MARCHF3: variants seen among roughly 807,000 people sequenced by gnomAD.
MARCHF3 encodes E3 ubiquitin-protein ligase MARCHF3.
MARCHF3 carries 13 observed loss-of-function variants against 24.2 expected under a neutral mutation model. The ratio of observed to expected loss-of-function variants is 0.54; its 90% confidence interval spans 0.35 to 0.85. The LOEUF is 0.85. Among genes scored for constraint, MARCHF3 ranks in the 40% least tolerant of loss-of-function variants. The pLI, the probability that MARCHF3 is intolerant of heterozygous loss-of-function variation, is 0.01. For missense variants in MARCHF3, 276 were observed against 325.0 expected (o/e 0.85, Z 1.16); for synonymous variants, 144 against 137.3 (o/e 1.05, Z -0.34).
chr5:126,914,538 C>T (rs192666856), intron 3 of MARCHF3: 4 of 280,738 alleles, frequency 1.4e-5, no homozygotes, highest in East Asian at 6.5e-5. Context: ...GGATATGCAA[C>T]CCAAATGCCC....
intron 3 of MARCHF3, 189 bp downstream of exon 3, chr5:126,914,741 C>G: frequency 3.2e-6 from 2 of 618,260 alleles, no homozygotes; most frequent in Middle Eastern, 6.8e-4. Flanking sequence ...TTCTCTGTGT[C>G]TGTCTGTCTA....
chr5:126,971,448 CA>C (rs60881844), intron 1 of MARCHF3, among the ~76,000 whole-genome samples: 42,411 of 89,920 alleles, frequency 0.47, 6,868 homozygotes, highest in East Asian at 0.6. Context: ...GACTCTGTCT[CA>C]AAAAAAAAAA....
At position 126,870,264 on chromosome 5, in the gene MARCHF3, A is replaced by AAT. The variant is rs113861488; in HGVS notation, c.*367_*368dup. Reference sequence around the variant, plus strand: ...TTGATTTTGATTATCATCTAAGTTTAATATATATATATATGTGTGTGTGTT... The same window carrying AAT: ...TTGATTTTGATTATCATCTAAGTTTAATATATATATATATATGTGTGTGTGTT... On this transcript the variant is annotated 3_prime_UTR_variant, in exon 5 of 5. Transcript: ENST00000308660. The AAT allele has an allele frequency of 1.5e-3, 237 of 153,466 alleles. No individual in the cohort carries two copies. Among genetic ancestry groups the AAT allele is most frequent in the Admixed American group, 2.6e-3 (40 of 15,290 alleles). 9.5% of individuals were successfully genotyped at this position (153,466 alleles called of 1,614,324 possible).
At chr5:126,871,684 A>G (rs889838443) in intron 4 of MARCHF3, among the ~76,000 whole-genome samples, 2 of 151,540 alleles carry the variant, frequency 1.3e-5, no homozygotes, top group Non-Finnish European at 2.9e-5. Flanking sequence ...TCTGATTGCA[A>G]CACTGCTTCA....
chr5:126,870,397 A>T lies in MARCHF3; in HGVS notation c.*236T>A. On this transcript the variant is annotated 3_prime_UTR_variant, in exon 5 of 5. Coordinates refer to ENST00000308660, the MANE Select transcript of MARCHF3 (RefSeq NM_178450.5). Reference sequence around the variant, plus strand: ...ATTCCATACAGTATCTGCTAAATAAACATGTTTGGCAGCTTAGCAAATATC... The same window carrying T: ...ATTCCATACAGTATCTGCTAAATAATCATGTTTGGCAGCTTAGCAAATATC... The T allele has an allele frequency of 2.3e-6, 1 of 433,572 alleles. No homozygotes were observed. The highest frequency in any genetic ancestry group is 4.3e-5 in the South Asian group (1 of 23,360). The allele number at this position is 433,572 out of a possible 1,614,324, so 26.9% of individuals were successfully genotyped here.
chr5:126,950,136 A>C (rs945561848), intron 1 of MARCHF3, among the ~76,000 whole-genome samples: 2 of 152,144 alleles, frequency 1.3e-5, no homozygotes, highest in Non-Finnish European at 1.5e-5. Flanking sequence ...GTGGCCCATC[A>C]TTATAATCAA....
intron 1 of MARCHF3, among the ~76,000 whole-genome samples, chr5:127,018,073 T>C (rs979732182): frequency 6.6e-6 from 1 of 152,152 alleles, no homozygotes; most frequent in Non-Finnish European, 1.5e-5. Context: ...AATGAGCAAA[T>C]TACATAAGAT....
In MARCHF3 at chr5:126,939,322, A is replaced by C. The variant is rs569077095; in HGVS notation, c.-56-21095T>G. 2.0e-5 allele frequency among the ~76,000 whole-genome samples: 3 copies of C among 152,300 alleles called. No homozygotes were observed. In the East Asian group the frequency reaches 5.8e-4, roughly 29 times the overall value. On this transcript the variant is annotated intron_variant, in intron 1 of 4. Coordinates refer to ENST00000308660, the MANE Select transcript of MARCHF3 (RefSeq NM_178450.5). ...TCATTTGAAAGGAAAGGTTCCCTAA[A>C]GTGTTATAAGTTGTTTGGCGAGGGT...
chr5:126,920,132 C>T (rs1006609235), intron 1 of MARCHF3, among the ~76,000 whole-genome samples: 1 of 152,176 alleles, frequency 6.6e-6, no homozygotes, highest in Non-Finnish European at 1.5e-5. Flanking sequence ...CATAATCCCA[C>T]CATTCAGAAA....
chr5:126,943,187 G>A (rs1279292123), intron 1 of MARCHF3, among the ~76,000 whole-genome samples: 2 of 152,158 alleles, frequency 1.3e-5, no homozygotes, highest in African/African-American at 4.8e-5. Context: ...CCAGCTATTC[G>A]GAAGGCTGAG....
intron 3 of MARCHF3, among the ~76,000 whole-genome samples, chr5:126,891,682 G>A: frequency 7.1e-6 from 1 of 140,442 alleles, no homozygotes; most frequent in Non-Finnish European, 1.5e-5. Flanking sequence ...TGCTGTTTTG[G>A]TTACTGTAGC....
At chr5:126,903,430 A>G (rs752266554) in intron 3 of MARCHF3, among the ~76,000 whole-genome samples, 1 of 152,128 alleles carries the variant, frequency 6.6e-6, no homozygotes, top group African/African-American at 2.4e-5. Context: ...TAGAATGAAC[A>G]AAGGGGCTTG....
At chr5:126,881,389 GA>G (rs2126769336) in intron 3 of MARCHF3, among the ~76,000 whole-genome samples, 1 of 152,212 alleles carries the variant, frequency 6.6e-6, no homozygotes, top group East Asian at 1.9e-4. Flanking sequence ...TTGAGGAAAA[GA>G]AAAAAGTACC....
rs149949454 is a variant in MARCHF3, at chr5:126,871,128, C to T, written c.604-337G>A. Among the ~76,000 whole-genome samples, 419 of 152,298 alleles carry T rather than the reference C, an allele frequency of 2.8e-3. 2 individuals are homozygous for T. Among genetic ancestry groups the T allele is most frequent in the South Asian group, 0.021 (103 of 4,830 alleles). ...ACTAGTGGTGGATACAATGCCAGCC[C>T]TCGCCCAGCTGTGTGACCTCAGCAA... is the stretch of plus-strand genomic sequence containing the variant. On this transcript the variant is annotated intron_variant, in intron 4 of 4. Coordinates refer to ENST00000308660, the MANE Select transcript of MARCHF3 (RefSeq NM_178450.5).
intron 1 of MARCHF3, among the ~76,000 whole-genome samples, chr5:126,992,883 T>C (rs963094304): frequency 6.7e-6 from 1 of 150,104 alleles, no homozygotes; most frequent in East Asian, 2.0e-4. Context: ...GCCATTCTCC[T>C]GCCTCAGCCT....
At chr5:126,920,169 T>C (rs1402208920) in intron 1 of MARCHF3, among the ~76,000 whole-genome samples, 1 of 152,178 alleles carries the variant, frequency 6.6e-6, no homozygotes, top group African/African-American at 2.4e-5. Flanking sequence ...TGGGTAGATA[T>C]CTTCTTTTTA....
rs188740705 is a variant in MARCHF3 at position 126,925,924 on chromosome 5, C to T, written c.-56-7697G>A. On this transcript the variant is annotated intron_variant, in intron 1 of 4. Transcript: ENST00000308660. ...TGCATAAGGAAAGGCCTGAAGGGTA[C>T]AGCATGCTGGTCAGGATGTCTGATA... is the stretch of plus-strand genomic sequence containing the variant. Among the ~76,000 whole-genome samples the T allele has an allele frequency of 9.2e-5, 14 of 152,314 alleles. No individual in the cohort carries two copies. In the East Asian group the frequency reaches 2.7e-3, roughly 29 times the overall value.
At chr5:126,892,553 G>T (rs1281099981) in intron 3 of MARCHF3, among the ~76,000 whole-genome samples, 1 of 149,150 alleles carries the variant, frequency 6.7e-6, no homozygotes, top group Non-Finnish European at 1.5e-5. Flanking sequence ...TACTCATGTG[G>T]TTTTTGTCTT....
intron 1 of MARCHF3, among the ~76,000 whole-genome samples, chr5:126,972,930 C>CA (rs1171788136): frequency 1.3e-5 from 2 of 152,178 alleles, no homozygotes; most frequent in African/African-American, 4.8e-5. Flanking sequence ...TCCCCGTACC[C>CA]AACAAAAGTG....
Sources: gnomAD v4.1 joint callset for allele counts (sites outside exome capture counted in the v4.1 genomes callset) on GRCh38, gnomAD v4.1.1 for gene constraint, MANE v1.5 for transcripts, NCBI Gene and HGNC (gene_info 2026-07-23, HGNC 2026-07-21) for gene names.